Variants in CCT8 observed in about 807,000 individuals in gnomAD.
CCT8 encodes T-complex protein 1 subunit theta.
In CCT8, 10 loss-of-function variants were observed where a neutral mutation model predicts 65.7. The observed-to-expected ratio is 0.15, with a 90% CI of 0.09 to 0.26. The LOEUF (loss-of-function observed/expected upper bound fraction) is 0.26. Among genes scored for constraint, CCT8 ranks in the 10% least tolerant of loss-of-function variants. The pLI is 1.00. For synonymous variants in CCT8, 199 were observed against 221.8 expected, an observed-to-expected ratio of 0.90 and a Z score of 0.92; for missense variants, 568 against 669.1, an observed-to-expected ratio of 0.85 and a Z score of 1.67.
rs1443317416 is a variant in CCT8 at position 29,063,459 on chromosome 21, T to G, written c.834A>C (p.Ala278=). The G allele has an allele frequency of 6.2e-7, 1 of 1,614,162 alleles. No homozygotes were observed. The highest frequency in any genetic ancestry group is 2.2e-5 in the East Asian group (1 of 44,880). The change falls in exon 8 of 15, where the codon GCA becomes GCC. Residue 278 remains alanine, a synonymous_variant. Transcript: ENST00000286788. ...FSKGEENLMD[A]QVKAIADTGA... ...CAGTATCAGCAATAGCTTTGACTTG[T>G]GCATCCATGAGGTTTTCTTCTCCCT...
chr21:29,059,042 T>C (rs1318678929), intron 14 of CCT8, among the ~76,000 whole-genome samples: 1 of 152,196 alleles, frequency 6.6e-6, no homozygotes, highest in East Asian at 1.9e-4. Context: ...GCCTCCTGCG[T>C]AGCTGGGACT....
chr21:29,068,616 C>T (rs151238441), intron 3 of CCT8, among the ~76,000 whole-genome samples: 8 of 152,072 alleles, frequency 5.3e-5, no homozygotes, highest in Admixed American at 1.3e-4. Context: ...TGTGCCACCA[C>T]GCCCGGCTGA....
chr21:29,063,267 T>C, intron 8 of CCT8, 85 bp downstream of exon 8: 1 of 1,032,166 alleles, frequency 9.7e-7, no homozygotes. Context: ...TTATTAACAG[T>C]CTTCATGGTC....
Position 29,069,452 on chromosome 21 carries a change from C to G in CCT8, c.202G>C (p.Asp68His). ...AGTTCTCTTAAAATAGTTGCTGCATCGTTTGTCACAAACAACTTCTCCAAG... is the reference window on the plus strand; with the variant it reads ...AGTTCTCTTAAAATAGTTGCTGCATGGTTTGTCACAAACAACTTCTCCAAG... ...NHLEKLFVTN[D>H]AATILRELEV... The change falls in exon 3 of 15, where the codon GAT becomes CAT. Residue 68 changes from aspartate (D) to histidine (H), a missense_variant. Coordinates refer to ENST00000286788, the MANE Select transcript of CCT8 (RefSeq NM_006585.4). 6.3e-7 allele frequency: 1 copy of G among 1,582,812 alleles called. No individual in the cohort carries two copies. Among genetic ancestry groups the G allele is most frequent in the Non-Finnish European group, 8.6e-7 (1 of 1,166,766 alleles).
At chr21:29,056,613 A>G in intron 14 of CCT8, 61 bp from the exon 15 acceptor site, 1 of 1,045,898 alleles carries the variant, frequency 9.6e-7, no homozygotes, top group East Asian at 2.7e-5. Flanking sequence ...AATGAAAAGA[A>G]TGCTTCTATT....
intron 8 of CCT8, 116 bp from the exon 9 acceptor site, chr21:29,062,672 G>A (rs971603353): frequency 1.3e-6 from 1 of 777,368 alleles, no homozygotes; most frequent in Non-Finnish European, 2.1e-6. Flanking sequence ...TTTGACAATG[G>A]ATTTTAACTC....
intron 6 of CCT8, 72 bp from the exon 7 acceptor site, chr21:29,065,177 A>C: frequency 2.0e-6 from 3 of 1,476,246 alleles, no homozygotes; most frequent in Non-Finnish European, 2.8e-6. Context: ...TTGATTCTCC[A>C]TATACCAAAA....
At position 29,061,554 on chromosome 21, in the gene CCT8, A is replaced by G. The variant is rs1215927011; in HGVS notation, c.1226T>C (p.Val409Ala). Residue 409 changes from valine (V) to alanine (A), a missense_variant, in exon 12 of 15, where the codon GTA (valine) becomes GCA (alanine). Physicochemically the swap from Val to Ala is moderately conservative, Grantham distance 64. Transcript: ENST00000286788. ...FKVLTRDKRL[V>A]PGGGATEIEL... is the part of the protein sequence containing the mutation. ...AATTTCTGTTGCTCCACCTCCGGGT[A>G]CAAGACGTTTATCCTGTATGTAGCG... The G allele has an allele frequency of 1.9e-6, 3 of 1,613,906 alleles. No individual in the cohort carries two copies. Among genetic ancestry groups the G allele is most frequent in the Non-Finnish European group, 2.5e-6 (3 of 1,179,904 alleles).
intron 1 of CCT8, among the ~76,000 whole-genome samples, chr21:29,071,508 G>A (rs1047531872): frequency 5.3e-5 from 8 of 151,662 alleles, no homozygotes; most frequent in Non-Finnish European, 1.0e-4. Context: ...CAATTCTGGA[G>A]GCTCAGCCTC....
In CCT8 at chr21:29,066,782, T is replaced by C. The variant is rs1568913905; in HGVS notation, c.563-5A>G. On this transcript the variant is annotated splice_region_variant and splice_polypyrimidine_tract_variant and intron_variant, in intron 5 of 14. Transcript: ENST00000286788. The stretch of plus-strand genomic sequence containing the variant: ...CGGAATCAGGAAAAATAGATACTGT[T>C]AAGAAAATGAGACATATCAAAAGAT... 2.5e-6 allele frequency: 4 copies of C among 1,602,698 alleles called. No homozygotes were observed. The East Asian group carries it at 8.9e-5, about 36-fold the overall frequency.
At chr21:29,070,455 G>C (rs2085669042) in intron 1 of CCT8, 118 bp from the exon 2 acceptor site, 1 of 543,572 alleles carries the variant, frequency 1.8e-6, no homozygotes, top group African/African-American at 2.0e-5. Context: ...GCATAGCTTA[G>C]GTATTTGGCA....
intron 2 of CCT8, among the ~76,000 whole-genome samples, chr21:29,069,722 A>G (rs1182060731): frequency 2.6e-5 from 4 of 152,226 alleles, no homozygotes; most frequent in Non-Finnish European, 5.9e-5. Flanking sequence ...AATGTCCTAC[A>G]ATATTTACTA....
chr21:29,072,004 TTG>T (rs919045255), intron 1 of CCT8: 24 of 690,590 alleles, frequency 3.5e-5, no homozygotes, highest in East Asian at 1.9e-4. Flanking sequence ...GTTGTTGTTG[TTG>T]TTTTAAAAAA....
chr21:29,059,881 T>C (rs1299600850), intron 14 of CCT8: 1 of 152,218 alleles, frequency 6.6e-6, no homozygotes, highest in African/African-American at 2.4e-5. Context: ...ATATGACATA[T>C]GACTTTTACC....
At chr21:29,069,097 T>G (rs915143703) in intron 3 of CCT8, among the ~76,000 whole-genome samples, 1 of 152,180 alleles carries the variant, frequency 6.6e-6, no homozygotes, top group Non-Finnish European at 1.5e-5. Flanking sequence ...CACTGTTATA[T>G]GTATACGTTT....
At chr21:29,070,692 C>T (rs1043302723) in intron 1 of CCT8, among the ~76,000 whole-genome samples, 1 of 152,108 alleles carries the variant, frequency 6.6e-6, no homozygotes, top group Non-Finnish European at 1.5e-5. Flanking sequence ...TTTTGGGGGA[C>T]CGCAGGTACC....
intron 7 of CCT8, 81 bp from the exon 8 acceptor site, chr21:29,063,611 G>T: frequency 2.1e-6 from 3 of 1,415,746 alleles, no homozygotes; most frequent in South Asian, 2.4e-5. Context: ...GTTGACTGAA[G>T]AAATAAAGGT....
chr21:29,069,465 C>A lies in CCT8; in HGVS notation c.189G>T (p.Leu63Phe). The A allele has an allele frequency of 1.9e-6, 3 of 1,582,794 alleles. No individual in the cohort carries two copies. Among genetic ancestry groups the A allele is most frequent in the Non-Finnish European group, 2.6e-6 (3 of 1,167,064 alleles). Residue 63 changes from leucine to phenylalanine, a missense_variant, in exon 3 of 15, where the codon TTG (leucine) becomes TTT (phenylalanine). Physicochemically the swap from Leu to Phe is conservative, Grantham distance 22 (BLOSUM62 0). Coordinates refer to ENST00000286788, the MANE Select transcript of CCT8 (RefSeq NM_006585.4). ...NKMVINHLEK[L>F]FVTNDAATIL... ...TAGTTGCTGCATCGTTTGTCACAAACAACTTCTCCAAGTGGTTGATAACCA... is the reference window on the plus strand; with the variant it reads ...TAGTTGCTGCATCGTTTGTCACAAAAAACTTCTCCAAGTGGTTGATAACCA...
chr21:29,070,355 CA>C lies in CCT8; in HGVS notation c.61-19del, dbSNP rs1568915981. ...GAAAAGTGCTGTTAAAAAAAACAAACAAAAAACCCCGCTAATTAGACAGGAC... is the reference window on the plus strand; with the variant it reads ...GAAAAGTGCTGTTAAAAAAAACAAACAAAAACCCCGCTAATTAGACAGGAC... On this transcript the variant is annotated intron_variant, in intron 1 of 14. Coordinates refer to ENST00000286788, the MANE Select transcript of CCT8 (RefSeq NM_006585.4). The C allele has an allele frequency of 1.3e-6, 2 of 1,505,476 alleles. No homozygotes were observed. 93.3% of individuals were successfully genotyped at this position (1,505,476 alleles called of 1,614,324 possible).
Sources: gnomAD v4.1 joint callset for allele counts (sites outside exome capture counted in the v4.1 genomes callset) on GRCh38, gnomAD v4.1.1 for gene constraint, MANE v1.5 for transcripts, NCBI Gene and HGNC (gene_info 2026-07-23, HGNC 2026-07-21) for gene names.